Variants in DLG2 observed in about 807,000 individuals in gnomAD.
DLG2 encodes the protein disks large homolog 2.
Under a neutral mutation model 132.5 loss-of-function variants are expected in DLG2, and 45 were observed. The observed-to-expected ratio is 0.34, with a 90% CI of 0.27 to 0.44. The LOEUF is 0.44. Ranked by LOEUF, DLG2 falls within the 20% of genes least tolerant of loss-of-function variation. The pLI is 1.00. For missense variants in DLG2, 1,045 were observed against 1,196.9 expected (o/e 0.87, Z 1.87); for synonymous variants, 424 against 419.6 (o/e 1.01, Z -0.13).
chr11:84,340,268 C>T (rs1391507773), intron 7 of DLG2, among the ~76,000 whole-genome samples: 1 of 152,206 alleles, frequency 6.6e-6, no homozygotes, highest in Non-Finnish European at 1.5e-5. Context: ...ACTGTCCACA[C>T]TGCCCCAGTC....
At chr11:84,481,846 A>G (rs1234031298) in intron 7 of DLG2, among the ~76,000 whole-genome samples, 1 of 152,200 alleles carries the variant, frequency 6.6e-6, no homozygotes, top group Admixed American at 6.5e-5. Context: ...AGTGTGTAGT[A>G]ACATGAATGC....
At position 84,702,656 on chromosome 11, in the gene DLG2, C is replaced by G. The variant is rs556644156; in HGVS notation, c.358-167925G>C. ...TGTGACCTTTCTAATTCTAACTCAT[C>G]CTTTCCAAGTATTACTTCTGCATTG... is the stretch of plus-strand genomic sequence containing the variant. On this transcript the variant is annotated intron_variant, in intron 6 of 27. Transcript: ENST00000376104. Among the ~76,000 whole-genome samples, 18 of 151,734 alleles carry G rather than the reference C, an allele frequency of 1.2e-4. 2 individuals are homozygous for G. In the South Asian group the frequency reaches 3.3e-3, roughly 28 times the overall value.
intron 10 of DLG2, among the ~76,000 whole-genome samples, chr11:84,084,146 T>G (rs1157229930): frequency 6.6e-6 from 1 of 152,034 alleles, no homozygotes; most frequent in Non-Finnish European, 1.5e-5. Context: ...GAAGAAAAAG[T>G]AGGTGGAGTT....
chr11:84,064,092 C>T (rs2096633703), intron 10 of DLG2, among the ~76,000 whole-genome samples: 1 of 151,990 alleles, frequency 6.6e-6, no homozygotes, highest in Admixed American at 6.6e-5. Flanking sequence ...TGCACATGTA[C>T]CCTAGAACTT....
intron 4 of DLG2, among the ~76,000 whole-genome samples, chr11:85,169,398 G>A (rs1018051342): frequency 2.0e-5 from 3 of 152,068 alleles, no homozygotes; most frequent in East Asian, 1.9e-4. Context: ...AAAACGGTAC[G>A]TAAATGTATT....
intron 17 of DLG2, chr11:83,815,375 G>GTT (rs2048566175): frequency 6.6e-6 from 1 of 152,540 alleles, no homozygotes; most frequent in Non-Finnish European, 1.5e-5. Context: ...TCTTATAATG[G>GTT]AGACCTTACT....
At chr11:83,758,645 T>C (rs551866331) in intron 18 of DLG2, among the ~76,000 whole-genome samples, 7 of 152,272 alleles carry the variant, frequency 4.6e-5, no homozygotes, top group African/African-American at 1.7e-4. Flanking sequence ...AACTATCTCA[T>C]AGGCATGCTT....
At chr11:84,539,569 G>C (rs2099363136) in intron 6 of DLG2, among the ~76,000 whole-genome samples, 1 of 152,120 alleles carries the variant, frequency 6.6e-6, no homozygotes, top group Non-Finnish European at 1.5e-5. Flanking sequence ...AAGGGGACTT[G>C]AGTAAAAGAA....
At chr11:84,568,034 T>C (rs2099464215) in intron 6 of DLG2, among the ~76,000 whole-genome samples, 1 of 152,194 alleles carries the variant, frequency 6.6e-6, no homozygotes, top group Admixed American at 6.5e-5. Context: ...ATCCCTAGCA[T>C]TCCAAGATGC....
chr11:84,588,375 T>G (rs1043309472), intron 6 of DLG2, among the ~76,000 whole-genome samples: 2 of 152,082 alleles, frequency 1.3e-5, no homozygotes. Flanking sequence ...ATCATTCTTT[T>G]GTATTCTTAG....
chr11:83,729,193 G>A (rs919317731), intron 18 of DLG2, among the ~76,000 whole-genome samples: 9 of 152,124 alleles, frequency 5.9e-5, no homozygotes, highest in Admixed American at 6.6e-5. Context: ...ATGTTTGGAC[G>A]TTCATTGCCA....
intron 11 of DLG2, among the ~76,000 whole-genome samples, chr11:84,024,284 G>A (rs539615939): frequency 3.5e-4 from 53 of 152,218 alleles, no homozygotes; most frequent in African/African-American, 1.2e-3. Context: ...TCTAACTAAA[G>A]GTCCTTATCA....
intron 15 of DLG2, among the ~76,000 whole-genome samples, chr11:83,926,624 G>T (rs2079023107): frequency 1.3e-5 from 2 of 152,086 alleles, no homozygotes. Context: ...TAGGGCAAAA[G>T]ATTCTAGAAT....
intron 6 of DLG2, among the ~76,000 whole-genome samples, chr11:85,089,994 G>A (rs1453737672): frequency 1.3e-5 from 2 of 152,114 alleles, no homozygotes; most frequent in Non-Finnish European, 2.9e-5. Flanking sequence ...TTTTATTTCT[G>A]ACAAGTTTCA....
chr11:84,860,687 C>T (rs1164007191), intron 6 of DLG2, among the ~76,000 whole-genome samples: 1 of 152,012 alleles, frequency 6.6e-6, no homozygotes, highest in African/African-American at 2.4e-5. Context: ...GTAGACCAAA[C>T]TCTGCCTTCT....
chr11:83,562,171 G>A (rs1454380510), intron 19 of DLG2, among the ~76,000 whole-genome samples: 4 of 152,074 alleles, frequency 2.6e-5, no homozygotes, highest in Non-Finnish European at 5.9e-5. Flanking sequence ...ACATGCGTGA[G>A]CCACCGTGCC....
chr11:83,498,546 G>A (rs1402613439), intron 21 of DLG2, among the ~76,000 whole-genome samples: 1 of 151,738 alleles, frequency 6.6e-6, no homozygotes, highest in Non-Finnish European at 1.5e-5. Context: ...ATAGGATGTA[G>A]CTAACACTGT....
intron 6 of DLG2, among the ~76,000 whole-genome samples, chr11:84,690,433 A>G (rs529763696): frequency 1.3e-5 from 2 of 151,924 alleles, no homozygotes; most frequent in South Asian, 2.1e-4. Flanking sequence ...AATAAATTGT[A>G]TTTAAAAATA....
intron 3 of DLG2, among the ~76,000 whole-genome samples, chr11:85,484,543 A>C (rs1404893114): frequency 2.0e-5 from 3 of 151,848 alleles, no homozygotes; most frequent in Non-Finnish European, 4.4e-5. Context: ...TGGGCGAAGG[A>C]CATCAACAGA....
Sources: gnomAD v4.1 joint callset for allele counts (sites outside exome capture counted in the v4.1 genomes callset) on GRCh38, gnomAD v4.1.1 for gene constraint, MANE v1.5 for transcripts, NCBI Gene and HGNC (gene_info 2026-07-23, HGNC 2026-07-21) for gene names.